OSBPL1A: variants seen among roughly 807,000 people sequenced by gnomAD.
The protein encoded by OSBPL1A is oxysterol-binding protein-related protein 1.
A neutral mutation model predicts 137.1 loss-of-function variants in OSBPL1A; 80 were observed. That is an observed-to-expected ratio of 0.58 (90% CI 0.49 to 0.70). The LOEUF (loss-of-function observed/expected upper bound fraction) is 0.70, where lower values mean the gene tolerates loss of function less well. Ranked by LOEUF, OSBPL1A falls within the 30% of genes least tolerant of loss-of-function variation. OSBPL1A has a pLI of 0.00. For missense variants in OSBPL1A, 970 were observed against 1,129.4 expected (o/e 0.86, Z 2.02); for synonymous variants, 365 against 389.7 (o/e 0.94, Z 0.75).
At chr18:24,359,478 C>T (rs538860937) in intron 4 of OSBPL1A, among the ~76,000 whole-genome samples, 16 of 151,606 alleles carry the variant, frequency 1.1e-4, no homozygotes, top group African/African-American at 2.7e-4. Context: ...GTAGGAAGAC[C>T]GCTTAAGGTT....
rs1229819918 is a variant in OSBPL1A, at chr18:24,385,363, C to CTT, written c.-2-7829_-2-7828insAA. On this transcript the variant is annotated intron_variant, in intron 1 of 27. Coordinates refer to ENST00000319481, the MANE Select transcript of OSBPL1A (RefSeq NM_080597.4). ...CTATAATTGCACCACTATATTCCAACCTGGGTAACAGAAGGAGATCCTGTC... is the reference window on the plus strand; with the variant it reads ...CTATAATTGCACCACTATATTCCAACTTCTGGGTAACAGAAGGAGATCCTGTC... Among the ~76,000 whole-genome samples the CTT allele has an allele frequency of 3.4e-4, 52 of 152,164 alleles. 1 individual carries two copies. The highest frequency in any genetic ancestry group is 1.2e-3 in the African/African-American group (49 of 41,526).
chr18:24,211,862 T>C (rs372885287), intron 17 of OSBPL1A, among the ~76,000 whole-genome samples: 1 of 151,192 alleles, frequency 6.6e-6, no homozygotes, highest in Non-Finnish European at 1.5e-5. Context: ...ACTCGGGAGA[T>C]TGCACCATTG....
chr18:24,222,478 A>G (rs545050873), intron 17 of OSBPL1A, among the ~76,000 whole-genome samples: 15 of 152,174 alleles, frequency 9.9e-5, no homozygotes, highest in Non-Finnish European at 1.8e-4. Context: ...ATAATAAATT[A>G]GGTCCAAGCT....
intron 4 of OSBPL1A, among the ~76,000 whole-genome samples, chr18:24,348,221 C>A (rs894690617): frequency 6.6e-6 from 1 of 152,206 alleles, no homozygotes; most frequent in South Asian, 2.1e-4. Context: ...TATATTAGTT[C>A]TTTCCTGAGA....
intron 13 of OSBPL1A, among the ~76,000 whole-genome samples, chr18:24,307,375 C>T (rs927197309): frequency 2.0e-5 from 3 of 152,216 alleles, no homozygotes; most frequent in Admixed American, 1.3e-4. Flanking sequence ...TATTATGCCC[C>T]TGCTTTGTAA....
chr18:24,291,451 G>A (rs1232650473), intron 14 of OSBPL1A, among the ~76,000 whole-genome samples: 6 of 152,000 alleles, frequency 3.9e-5, no homozygotes. Context: ...ATAGAACTAA[G>A]AAAAGTACTC....
At chr18:24,187,664 T>C (rs779287661) in intron 18 of OSBPL1A, among the ~76,000 whole-genome samples, 5 of 152,310 alleles carry the variant, frequency 3.3e-5, no homozygotes, top group Non-Finnish European at 7.4e-5. Flanking sequence ...TTATTAATAA[T>C]GCAGACAAGA....
intron 2 of OSBPL1A, among the ~76,000 whole-genome samples, chr18:24,375,257 A>G (rs1906008371): frequency 7.1e-6 from 1 of 141,268 alleles, no homozygotes; most frequent in African/African-American, 2.7e-5. Flanking sequence ...TGAGGCTGCC[A>G]TGAACTGTGA....
At chr18:24,270,903 A>G (rs1293504248) in intron 15 of OSBPL1A, among the ~76,000 whole-genome samples, 2 of 152,180 alleles carry the variant, frequency 1.3e-5, no homozygotes, top group Non-Finnish European at 2.9e-5. Flanking sequence ...GAAAAGCTGT[A>G]CTAAGCTCTT....
intron 16 of OSBPL1A, among the ~76,000 whole-genome samples, chr18:24,232,824 T>TGA (rs10664227): frequency 0.86 from 130,841 of 152,092 alleles, 56,794 homozygotes; most frequent in East Asian, 1. Context: ...GAAAGATGAA[T>TGA]GATATGGCTG....
At chr18:24,194,939 G>T (rs573758717) in intron 18 of OSBPL1A, among the ~76,000 whole-genome samples, 2 of 152,302 alleles carry the variant, frequency 1.3e-5, no homozygotes, top group South Asian at 4.1e-4. Context: ...TATGAAATTT[G>T]TTCCTTGGAA....
intron 1 of OSBPL1A, among the ~76,000 whole-genome samples, chr18:24,390,002 T>C (rs1397261907): frequency 1.3e-5 from 2 of 151,792 alleles, no homozygotes; most frequent in Non-Finnish European, 2.9e-5. Flanking sequence ...CCTACAGAAA[T>C]CAAAGATAAT....
intron 16 of OSBPL1A, among the ~76,000 whole-genome samples, chr18:24,231,515 C>T (rs1040845098): frequency 2.8e-4 from 43 of 152,152 alleles, no homozygotes; most frequent in African/African-American, 1.0e-3. Context: ...GTCTTGAACT[C>T]CGGACCTCAA....
intron 2 of OSBPL1A, chr18:24,368,591 T>C: frequency 2.1e-6 from 1 of 466,732 alleles, no homozygotes; most frequent in Non-Finnish European, 3.9e-6. Flanking sequence ...TCTTCACCTC[T>C]AAAGGGATAG....
chr18:24,367,460 G>C (rs1462548038), intron 3 of OSBPL1A: 1 of 150,916 alleles, frequency 6.6e-6, no homozygotes, highest in African/African-American at 2.4e-5. Context: ...TGGGCAACAT[G>C]GTGAAAGTCC....
chr18:24,277,720 A>T (rs745821488), intron 15 of OSBPL1A, among the ~76,000 whole-genome samples: 1 of 152,232 alleles, frequency 6.6e-6, no homozygotes, highest in Non-Finnish European at 1.5e-5. Context: ...TCTGACCTCG[A>T]TTACGCTGTT....
intron 16 of OSBPL1A, among the ~76,000 whole-genome samples, chr18:24,227,296 T>C (rs140147838): frequency 6.6e-6 from 1 of 152,184 alleles, no homozygotes; most frequent in East Asian, 1.9e-4. Flanking sequence ...AAAAACAACC[T>C]AAATAGTCAA....
At chr18:24,252,782 T>C (rs992183497) in intron 15 of OSBPL1A, among the ~76,000 whole-genome samples, 4 of 151,998 alleles carry the variant, frequency 2.6e-5, no homozygotes, top group Non-Finnish European at 4.4e-5. Flanking sequence ...ACATAGACAG[T>C]ATAAGACATA....
intron 15 of OSBPL1A, among the ~76,000 whole-genome samples, chr18:24,261,342 GAC>G (rs1034682443): frequency 6.6e-6 from 1 of 152,112 alleles, no homozygotes; most frequent in African/African-American, 2.4e-5. Context: ...TTGTTGTGGT[GAC>G]AGTTTCACTA....
Sources: allele counts gnomAD v4.1 joint callset (sites outside exome capture counted in the v4.1 genomes callset), GRCh38; gene constraint gnomAD v4.1.1; transcripts MANE v1.5; gene names NCBI Gene and HGNC (gene_info 2026-07-23, HGNC 2026-07-21).